The following MRC1 variants were observed in gnomAD, a reference collection of about 807,000 sequenced individuals.
The protein encoded by MRC1 is mannose receptor C-type 1.
In MRC1, 62 loss-of-function variants were observed where a neutral mutation model predicts 102.9. That is an observed-to-expected ratio of 0.60 (90% CI 0.49 to 0.74). The LOEUF (loss-of-function observed/expected upper bound fraction) is 0.74. Among genes scored for constraint, MRC1 ranks in the 30% least tolerant of loss-of-function variants. The pLI is 0.00. For synonymous variants in MRC1, 457 were observed against 298.4 expected (o/e 1.53, Z -5.48); for missense variants, 1,237 against 862.8 (o/e 1.43, Z -5.43).
chr10:17,872,654 A>G (rs1404297853), intron 15 of MRC1, among the ~76,000 whole-genome samples: 1 of 152,058 alleles, frequency 6.6e-6, no homozygotes, highest in African/African-American at 2.4e-5. Flanking sequence ...GACAGCCATT[A>G]TCTGTGGCCT....
chr10:17,840,805 A>G lies in MRC1; in HGVS notation c.915A>G (p.Pro305=). ...CTTTCCGATATTTGAACTGGTTACC[A>G]GGTAGGGTTAAGCCTGTTTGTGTCG... ...RSPFRYLNWL[P]GSPSAEPGKS... is the part of the protein sequence containing the mutation. Residue 305 remains proline (P), a splice_region_variant and synonymous_variant, in exon 5 of 30, where the codon CCA becomes CCG. Transcript: ENST00000569591. 1 of 780,858 alleles carries G rather than the reference A, an allele frequency of 1.3e-6. No individual in the cohort carries two copies. Among genetic ancestry groups the G allele is most frequent in the Non-Finnish European group, 2.4e-6 (1 of 417,952 alleles). The allele number at this position is 780,858 out of a possible 1,614,324, so 48.4% of individuals were successfully genotyped here. A position where few individuals can be genotyped will look rare whatever the true frequency, so the allele number is the denominator to read the frequency against.
At chr10:17,859,200 A>T (rs1318406825) in intron 9 of MRC1, among the ~76,000 whole-genome samples, 1 of 151,546 alleles carries the variant, frequency 6.6e-6, no homozygotes, top group Admixed American at 6.6e-5. Context: ...TTGTTATTGG[A>T]TTTATTCTTT....
chr10:17,856,218 TTTC>T (rs1833090025), intron 8 of MRC1, 21 bp from the exon 9 acceptor site: 1 of 829,422 alleles, frequency 1.2e-6, no homozygotes, highest in African/African-American at 1.7e-5. Context: ...CCTTTATTTT[TTTC>T]TCTCTCTCTG....
At chr10:17,861,571 T>A in intron 10 of MRC1, 69 bp downstream of exon 10, 1 of 766,986 alleles carries the variant, frequency 1.3e-6, no homozygotes, top group Non-Finnish European at 2.4e-6. Flanking sequence ...AGCCCAAGTA[T>A]CAACATGCTC....
intron 23 of MRC1, among the ~76,000 whole-genome samples, chr10:17,895,204 A>C (rs1357321915): frequency 6.6e-6 from 1 of 152,046 alleles, no homozygotes; most frequent in African/African-American, 2.4e-5. Flanking sequence ...ACAGAGTGAG[A>C]CCCTTTGTCA....
chr10:17,910,172 T>A, intron 29 of MRC1, 43 bp from the exon 30 acceptor site: 3 of 780,020 alleles, frequency 3.8e-6, no homozygotes, highest in Admixed American at 1.7e-5. Flanking sequence ...TGCAACCCTC[T>A]GCCTCCCTCC....
chr10:17,854,766 G>T, intron 8 of MRC1: 1 of 211,614 alleles, frequency 4.7e-6, no homozygotes, highest in Non-Finnish European at 9.8e-6. Context: ...TTGGCTCAAT[G>T]CAACCTCTGC....
At chr10:17,829,237 C>T (rs943610763) in intron 3 of MRC1, among the ~76,000 whole-genome samples, 2 of 151,508 alleles carry the variant, frequency 1.3e-5, no homozygotes, top group Non-Finnish European at 2.9e-5. Flanking sequence ...CACACTATTT[C>T]AAGCATTATT....
At position 17,819,453 on chromosome 10, in the gene MRC1, ATGTGTGTGTGTGTGTGTGTGTG is replaced by A. The variant is rs59778334; in HGVS notation, c.62-3605_62-3584del. The stretch of plus-strand genomic sequence containing the variant: ...GGTATATGTATGAATTCAGAGTTGT[ATGTGTGTGTGTGTGTGTGTGTG>A]TGTGTGTGTGTGTGTACACAGAAAG... On this transcript the variant is annotated intron_variant, in intron 1 of 29. Coordinates refer to ENST00000569591, the MANE Select transcript of MRC1 (RefSeq NM_002438.4). 4.8e-5 allele frequency among the ~76,000 whole-genome samples: 7 copies of A among 145,668 alleles called. No homozygotes were observed. In the South Asian group the frequency reaches 8.9e-4, roughly 19 times the overall value.
chr10:17,827,790 T>C (rs1838503514), intron 3 of MRC1, 75 bp downstream of exon 3: 2 of 770,090 alleles, frequency 2.6e-6, no homozygotes, highest in African/African-American at 3.4e-5. Flanking sequence ...TGAATTTATC[T>C]AGAGCATTTT....
intron 10 of MRC1, chr10:17,862,913 C>T (rs1246658182): frequency 6.6e-6 from 1 of 152,180 alleles, no homozygotes; most frequent in Non-Finnish European, 1.5e-5. Flanking sequence ...TTTTATTGTT[C>T]CCAGATTAAT....
At chr10:17,836,174 C>A (rs1168414375) in intron 4 of MRC1, among the ~76,000 whole-genome samples, 1 of 152,216 alleles carries the variant, frequency 6.6e-6, no homozygotes, top group African/African-American at 2.4e-5. Context: ...TTAGCACCTA[C>A]CTTTTTCCAG....
At position 17,823,274 on chromosome 10, in the gene MRC1, C is replaced by G. The variant is rs782149158; in HGVS notation, c.262C>G (p.Leu88Val). The change falls in exon 2 of 30, where the codon CTC becomes GTC. Residue 88 changes from leucine to valine, a missense_variant. Coordinates refer to ENST00000569591, the MANE Select transcript of MRC1 (RefSeq NM_002438.4). ...PSKTDWVAITLYACDSKSEFQ... is the reference protein window; with the variant it reads ...PSKTDWVAITVYACDSKSEFQ... ...AAAAACGGACTGGGTTGCTATCACT[C>G]TCTATGCCTGTGACTCAAAAAGTGA... 3.8e-6 allele frequency: 3 copies of G among 780,616 alleles called. No individual in the cohort carries two copies. The highest frequency in any genetic ancestry group is 1.7e-5 in the Admixed American group (1 of 59,008). The allele number at this position is 780,616 out of a possible 1,614,324, so 48.4% of individuals were successfully genotyped here.
chr10:17,890,401 A>G (rs1833655616), intron 22 of MRC1, among the ~76,000 whole-genome samples: 1 of 152,108 alleles, frequency 6.6e-6, no homozygotes, highest in Admixed American at 6.6e-5. Context: ...TATTGCTTCA[A>G]ATTATACTTC....
Position 17,875,376 on chromosome 10 carries a change from T to G in MRC1, c.2550+123T>G, listed in dbSNP as rs1224674958. The G allele has an allele frequency of 4.2e-6, 3 of 715,546 alleles. No homozygotes were observed. The Admixed American group carries it at 6.1e-5, about 15-fold the overall frequency. The allele number at this position is 715,546 out of a possible 1,614,324, so 44.3% of individuals were successfully genotyped here. A position where few individuals can be genotyped will look rare whatever the true frequency, so the allele number is the denominator to read the frequency against. ...TTTGGTACACCCGTCACCTGAGCAG[T>G]ATACGCTGTACTGAATGTGTAGTCT... On this transcript the variant is annotated intron_variant, in intron 17 of 29. Coordinates refer to ENST00000569591, the MANE Select transcript of MRC1 (RefSeq NM_002438.4).
At chr10:17,890,682 A>G (rs894151653) in intron 22 of MRC1, among the ~76,000 whole-genome samples, 1 of 152,124 alleles carries the variant, frequency 6.6e-6, no homozygotes, top group Non-Finnish European at 1.5e-5. Context: ...CTTCGCTTCA[A>G]ACTGTGTGTG....
chr10:17,874,453 A>G (rs891048196), intron 16 of MRC1, among the ~76,000 whole-genome samples: 1 of 152,184 alleles, frequency 6.6e-6, no homozygotes, highest in African/African-American at 2.4e-5. Context: ...AGATGATCCA[A>G]GATAACCCTC....
At chr10:17,861,199 G>A (rs945379287) in intron 9 of MRC1, among the ~76,000 whole-genome samples, 188 bp from the exon 10 acceptor site, 8 of 152,150 alleles carry the variant, frequency 5.3e-5, no homozygotes, top group Non-Finnish European at 1.2e-4. Flanking sequence ...TGTAATTCCA[G>A]CTACTCTGGA....
intron 5 of MRC1, among the ~76,000 whole-genome samples, chr10:17,844,107 C>T (rs1838790367): frequency 6.6e-6 from 1 of 152,176 alleles, no homozygotes; most frequent in African/African-American, 2.4e-5. Flanking sequence ...TAAGGCATAG[C>T]TGCTGAAAGT....
Sources: gnomAD v4.1 joint callset for allele counts (sites outside exome capture counted in the v4.1 genomes callset) on GRCh38, gnomAD v4.1.1 for gene constraint, MANE v1.5 for transcripts, NCBI Gene and HGNC (gene_info 2026-07-23, HGNC 2026-07-21) for gene names.